NDUFS1: variants seen among roughly 807,000 people sequenced by gnomAD.
The protein encoded by NDUFS1 is NADH-ubiquinone oxidoreductase 75 kDa subunit, mitochondrial.
In NDUFS1, 61 loss-of-function variants were observed where a neutral mutation model predicts 84.4. The ratio of observed to expected loss-of-function variants is 0.72; its 90% confidence interval spans 0.59 to 0.89. The LOEUF (loss-of-function observed/expected upper bound fraction) is 0.89. Ranked by LOEUF, NDUFS1 falls within the 40% of genes least tolerant of loss-of-function variation. The pLI, the probability that NDUFS1 is intolerant of heterozygous loss-of-function variation, is 0.00. For synonymous variants in NDUFS1, 275 were observed against 290.0 expected, an observed-to-expected ratio of 0.95 and a Z score of 0.53; for missense variants, 891 against 890.0, an observed-to-expected ratio of 1.00 and a Z score of -0.01.
At chr2:206,144,729 T>G (rs1262326993) in intron 9 of NDUFS1, among the ~76,000 whole-genome samples, 163 bp downstream of exon 9, 1 of 152,244 alleles carries the variant, frequency 6.6e-6, no homozygotes, top group Non-Finnish European at 1.5e-5. Flanking sequence ...GGGATTGACC[T>G]AGGACTATTA....
At chr2:206,124,375 A>G (rs533787423) in intron 18 of NDUFS1, 99 bp from the exon 19 acceptor site, 1 of 852,798 alleles carries the variant, frequency 1.2e-6, no homozygotes, top group Non-Finnish European at 2.0e-6. Context: ...AAAAAAGATT[A>G]TAAGGCCCTA....
chr2:206,128,046 A>G (rs1691361507), intron 15 of NDUFS1, 74 bp from the exon 16 acceptor site: 5 of 1,468,524 alleles, frequency 3.4e-6, no homozygotes, highest in African/African-American at 2.8e-5. Context: ...AAGATAGTAT[A>G]TATCATTTTA....
chr2:206,116,718 CTA>C lies in NDUFS1; in HGVS notation c.*7465_*7466del, dbSNP rs1186962723. 3.7e-6 allele frequency: 1 copy of C among 273,384 alleles called. No homozygotes were observed. The highest frequency in any genetic ancestry group is 8.3e-5 in the East Asian group (1 of 12,058). The allele number at this position is 273,384 out of a possible 1,614,324, so 16.9% of individuals were successfully genotyped here. A position where few individuals can be genotyped will look rare whatever the true frequency, so the allele number is the denominator to read the frequency against. ...CTGGGCAACATAGTGAGACCTGTCT[CTA>C]TAAAATATTTTTAAAAATTAGCTGG... is the stretch of plus-strand genomic sequence containing the variant. On this transcript the variant is annotated 3_prime_UTR_variant, in exon 19 of 19. Coordinates refer to ENST00000233190, the MANE Select transcript of NDUFS1 (RefSeq NM_005006.7).
rs979335889 is a variant in NDUFS1, at chr2:206,116,733, A to T, written c.*7452T>A. The T allele has an allele frequency of 3.2e-5, 8 of 249,334 alleles. No homozygotes were observed. The highest frequency in any genetic ancestry group is 1.6e-4 in the African/African-American group (7 of 43,736). 15.4% of individuals were successfully genotyped at this position (249,334 alleles called of 1,614,324 possible). On this transcript the variant is annotated 3_prime_UTR_variant, in exon 19 of 19. Transcript: ENST00000233190. The stretch of plus-strand genomic sequence containing the variant: ...AGACCTGTCTCTATAAAATATTTTT[A>T]AAAATTAGCTGGGCGCGGTGGCTTA...
intron 14 of NDUFS1, among the ~76,000 whole-genome samples, chr2:206,130,965 C>T (rs555370500): frequency 2.6e-5 from 4 of 152,180 alleles, no homozygotes; most frequent in African/African-American, 9.6e-5. Flanking sequence ...TCAGCAAAAA[C>T]CATAATGAGA....
intron 1 of NDUFS1, among the ~76,000 whole-genome samples, chr2:206,157,962 G>GCTTCT (rs200320257): frequency 1.3e-5 from 1 of 74,622 alleles, no homozygotes; most frequent in African/African-American, 8.7e-5. Context: ...TATTTCAATA[G>GCTTCT]CTTTTTTTTT....
intron 13 of NDUFS1, 100 bp downstream of exon 13, chr2:206,138,385 G>C: frequency 7.0e-7 from 1 of 1,420,950 alleles, no homozygotes; most frequent in South Asian, 1.2e-5. Context: ...CCAACCTGGT[G>C]TAAGTTTTAA....
Position 206,149,010 on chromosome 2 carries a change from A to G in NDUFS1, c.338+10T>C. 1 of 1,594,684 alleles carries G rather than the reference A, an allele frequency of 6.3e-7. No homozygotes were observed. Among genetic ancestry groups the G allele is most frequent in the Non-Finnish European group, 8.6e-7 (1 of 1,162,668 alleles). On this transcript the variant is annotated intron_variant, in intron 5 of 18. Transcript: ENST00000233190. ...ATGAAAGGGTACTACATTGAATAAC[A>G]ATAAAGTACCTGGCTTTTTTGGATT... is the stretch of plus-strand genomic sequence containing the variant.
chr2:206,142,189 T>C (rs953352363), intron 11 of NDUFS1, 120 bp from the exon 12 acceptor site: 6 of 837,480 alleles, frequency 7.2e-6, no homozygotes, highest in African/African-American at 5.2e-5. Context: ...TTATGAAGTA[T>C]TTCTAAATTA....
At chr2:206,157,480 A>G (rs1479957327) in intron 1 of NDUFS1, among the ~76,000 whole-genome samples, 1 of 152,238 alleles carries the variant, frequency 6.6e-6, no homozygotes, top group Non-Finnish European at 1.5e-5. Context: ...ACCAAGTTCT[A>G]GAACTAGAGT....
intron 12 of NDUFS1, among the ~76,000 whole-genome samples, chr2:206,139,632 C>T (rs1691855557): frequency 6.6e-6 from 1 of 151,894 alleles, no homozygotes; most frequent in African/African-American, 2.4e-5. Context: ...GACATTTATT[C>T]TCCACAGCAG....
In NDUFS1 at chr2:206,116,612, G is replaced by A. The variant is rs1017085583; in HGVS notation, c.*7573C>T. The A allele has an allele frequency of 2.8e-5, 14 of 497,316 alleles. No individual in the cohort carries two copies. In the East Asian group the frequency reaches 5.1e-4, roughly 18 times the overall value. 30.8% of individuals were successfully genotyped at this position (497,316 alleles called of 1,614,324 possible). On this transcript the variant is annotated 3_prime_UTR_variant, in exon 19 of 19. Transcript: ENST00000233190. The stretch of plus-strand genomic sequence containing the variant: ...ATAAATTACCCAGTCTGGGCCTGGT[G>A]TGTTGGCTCACATGTGTAATTCCAG...
At chr2:206,124,828 G>C (rs1392006004) in intron 18 of NDUFS1, among the ~76,000 whole-genome samples, 6 of 152,020 alleles carry the variant, frequency 3.9e-5, no homozygotes, top group African/African-American at 1.4e-4. Context: ...GACAGAGCAA[G>C]ACTCTTGTCT....
chr2:206,150,278 C>T (rs922408972), intron 3 of NDUFS1, among the ~76,000 whole-genome samples: 11 of 152,184 alleles, frequency 7.2e-5, no homozygotes, highest in Non-Finnish European at 1.0e-4. Context: ...TTCTTTGCCT[C>T]GCTCCCCTCC....
In NDUFS1 at chr2:206,147,064, T is replaced by C. The variant is rs1692181810; in HGVS notation, c.576A>G (p.Val192=). 6.2e-7 allele frequency: 1 copy of C among 1,614,170 alleles called. No individual in the cohort carries two copies. The change falls in exon 8 of 19, where the codon GTA becomes GTG. Residue 192 remains valine, a synonymous_variant. Coordinates refer to ENST00000233190, the MANE Select transcript of NDUFS1 (RefSeq NM_005006.7). Reference sequence around the variant, plus strand: ...CTCTGCCTGTTGTTCCCAAATCATCTACTCCTGCAATCTCACTTGCAAACC... The same window carrying C: ...CTCTGCCTGTTGTTCCCAAATCATCCACTCCTGCAATCTCACTTGCAAACC... ...CIRFASEIAG[V]DDLGTTGRGN... is the part of the protein sequence containing the mutation.
Position 206,124,081 on chromosome 2 carries a change from AATTATT to A in NDUFS1, c.*98_*103del. On this transcript the variant is annotated 3_prime_UTR_variant, in exon 19 of 19. Transcript: ENST00000233190. The stretch of plus-strand genomic sequence containing the variant: ...ATAACCTTAAATATTACATGATTCA[AATTATT>A]ATTATTTTTTTTTACAAAGAAATAA... 1.3e-6 allele frequency: 1 copy of A among 786,608 alleles called. No homozygotes were observed. Among genetic ancestry groups the A allele is most frequent in the Non-Finnish European group, 2.2e-6 (1 of 463,778 alleles). 48.7% of individuals were successfully genotyped at this position (786,608 alleles called of 1,614,324 possible). A position where few individuals can be genotyped will look rare whatever the true frequency, so the allele number is the denominator to read the frequency against.
intron 7 of NDUFS1, 123 bp from the exon 8 acceptor site, chr2:206,147,211 A>G (rs1250376581): frequency 4.1e-6 from 4 of 982,234 alleles, no homozygotes; most frequent in Non-Finnish European, 6.3e-6. Context: ...TTTAAAGGTG[A>G]GCACAGTCCT....
At chr2:206,132,897 CACA>C (rs774790510) in intron 14 of NDUFS1, 45 bp downstream of exon 14, 19 of 1,524,072 alleles carry the variant, frequency 1.2e-5, no homozygotes, top group Non-Finnish European at 1.5e-5. Flanking sequence ...CATACATATA[CACA>C]ACATTACTTG....
intron 12 of NDUFS1, among the ~76,000 whole-genome samples, chr2:206,140,307 C>T (rs1326541761): frequency 1.3e-5 from 2 of 151,972 alleles, no homozygotes; most frequent in Non-Finnish European, 2.9e-5. Context: ...TGTGATCATG[C>T]TAATATACCT....
Sources: allele counts gnomAD v4.1 joint callset (sites outside exome capture counted in the v4.1 genomes callset), GRCh38; gene constraint gnomAD v4.1.1; transcripts MANE v1.5; gene names NCBI Gene and HGNC (gene_info 2026-07-23, HGNC 2026-07-21).